The following GTF2B variants were observed in gnomAD, a reference collection of about 807,000 sequenced individuals.
The protein encoded by GTF2B is transcription initiation factor IIB.
GTF2B carries 20 observed loss-of-function variants against 34.6 expected under a neutral mutation model. That is an observed-to-expected ratio of 0.58 (90% CI 0.41 to 0.84). The LOEUF (loss-of-function observed/expected upper bound fraction) is 0.84, where lower values mean the gene tolerates loss of function less well. Ranked by LOEUF, GTF2B falls within the 40% of genes least tolerant of loss-of-function variation. The pLI is 0.00. For missense variants in GTF2B, 237 were observed against 393.3 expected, an observed-to-expected ratio of 0.60 and a Z score of 3.36; for synonymous variants, 142 against 132.4, an observed-to-expected ratio of 1.07 and a Z score of -0.50.
intron 2 of GTF2B, among the ~76,000 whole-genome samples, chr1:88,866,388 GC>G (rs1673560401): frequency 6.6e-6 from 1 of 152,086 alleles, no homozygotes; most frequent in Non-Finnish European, 1.5e-5. Context: ...CATTTCTGAA[GC>G]CTCTGACAAA....
In GTF2B at chr1:88,853,333, A is replaced by C; in HGVS notation, c.831T>G (p.Ile277Met). ...EKRTQKEIGD[I>M]AGVADVTIRQ... The stretch of plus-strand genomic sequence containing the variant: ...TGATTGTAACATCAGCAACACCAGC[A>C]ATATCTCCAATTTCTAAAAGACAAA... Residue 277 changes from isoleucine to methionine, a missense_variant, in exon 7 of 7, where the codon ATT (isoleucine) becomes ATG (methionine). Physicochemically the swap from Ile to Met is conservative, Grantham distance 10 (BLOSUM62 1). Around this residue, in one of 3 missense-constraint regions of GTF2B, gnomAD observed 78 missense variants for 116.6 expected, o/e 0.67. Coordinates refer to ENST00000370500, the MANE Select transcript of GTF2B (RefSeq NM_001514.6). 3 of 1,612,642 alleles carry C rather than the reference A, an allele frequency of 1.9e-6. No individual in the cohort carries two copies. Among genetic ancestry groups the C allele is most frequent in the Non-Finnish European group, 2.5e-6 (3 of 1,178,734 alleles).
chr1:88,855,804 C>A (rs1325269215), intron 6 of GTF2B, among the ~76,000 whole-genome samples: 1 of 152,066 alleles, frequency 6.6e-6, no homozygotes, highest in Non-Finnish European at 1.5e-5. Context: ...CAGATATGTG[C>A]CACCACACCC....
chr1:88,865,653 G>T (rs960110036), intron 2 of GTF2B, among the ~76,000 whole-genome samples: 1 of 152,148 alleles, frequency 6.6e-6, no homozygotes. Flanking sequence ...GGGAATTTGA[G>T]ATCAGCCTGA....
intron 5 of GTF2B, among the ~76,000 whole-genome samples, chr1:88,859,372 T>C (rs1038707769): frequency 6.6e-6 from 1 of 152,144 alleles, no homozygotes; most frequent in African/African-American, 2.4e-5. Flanking sequence ...TGAGTCTACA[T>C]GGGAAAACAG....
intron 6 of GTF2B, among the ~76,000 whole-genome samples, chr1:88,855,165 C>T (rs979611172): frequency 2.6e-5 from 4 of 152,174 alleles, no homozygotes; most frequent in African/African-American, 9.7e-5. Flanking sequence ...TACTAAAAGA[C>T]TCAAAATTTC....
chr1:88,874,245 G>A (rs1673762943), intron 2 of GTF2B, among the ~76,000 whole-genome samples: 1 of 152,088 alleles, frequency 6.6e-6, no homozygotes, highest in Non-Finnish European at 1.5e-5. Context: ...TGATTTTCTA[G>A]CCTGACCTAG....
intron 1 of GTF2B, among the ~76,000 whole-genome samples, chr1:88,888,901 G>T (rs1307743119): frequency 6.6e-6 from 1 of 152,204 alleles, no homozygotes; most frequent in East Asian, 1.9e-4. Flanking sequence ...AATGACTGAG[G>T]ACAGAGACTT....
At chr1:88,879,326 C>T (rs1041787764) in intron 2 of GTF2B, among the ~76,000 whole-genome samples, 2 of 151,974 alleles carry the variant, frequency 1.3e-5, no homozygotes, top group South Asian at 2.1e-4. Context: ...TGCCTGTAAT[C>T]CCAGCACTTT....
At chr1:88,870,119 G>A (rs935202787) in intron 2 of GTF2B, among the ~76,000 whole-genome samples, 2 of 151,670 alleles carry the variant, frequency 1.3e-5, no homozygotes, top group Non-Finnish European at 2.9e-5. Context: ...GTAGAGACAG[G>A]GTTTCACTGT....
chr1:88,889,667 A>T (rs1412914658), intron 1 of GTF2B, among the ~76,000 whole-genome samples: 1 of 152,222 alleles, frequency 6.6e-6, no homozygotes, highest in East Asian at 1.9e-4. Flanking sequence ...GACACCAGCC[A>T]GTTTCATGGC....
intron 6 of GTF2B, among the ~76,000 whole-genome samples, chr1:88,854,460 G>A (rs1019188374): frequency 6.6e-5 from 10 of 152,104 alleles, no homozygotes; most frequent in Non-Finnish European, 1.3e-4. Context: ...ACAATGTTTG[G>A]TTAAGTATTA....
chr1:88,887,267 C>G lies in GTF2B; in HGVS notation c.118G>C (p.Val40Leu). The G allele has an allele frequency of 1.3e-6, 2 of 1,597,198 alleles. No individual in the cohort carries two copies. Among genetic ancestry groups the G allele is most frequent in the South Asian group, 2.2e-5 (2 of 90,642 alleles). ...GDMICPECGL[V>L]VGDRVIDVGS... ...AACCATAATAACAACTCACCTACAACCAAGCCACATTCAGGACAGATCATA... is the reference window on the plus strand; with the variant it reads ...AACCATAATAACAACTCACCTACAAGCAAGCCACATTCAGGACAGATCATA... Residue 40 changes from valine (V) to leucine (L), a missense_variant, in exon 2 of 7, where the codon GTT (valine) becomes CTT (leucine). Physicochemically the swap from Val to Leu is conservative, Grantham distance 32 (BLOSUM62 1). This residue lies in a region of GTF2B where 130 missense variants were observed against 170.9 expected (regional missense o/e 0.76). Transcript: ENST00000370500.
At chr1:88,873,451 G>A (rs10218561) in intron 2 of GTF2B, among the ~76,000 whole-genome samples, 1,646 of 151,798 alleles carry the variant, frequency 0.011, 26 homozygotes, top group African/African-American at 0.038. Flanking sequence ...TGCCTGCCTC[G>A]GCCTCCCAAA....
intron 2 of GTF2B, among the ~76,000 whole-genome samples, chr1:88,875,269 T>C (rs369490062): frequency 3.3e-5 from 5 of 152,186 alleles, no homozygotes; most frequent in African/African-American, 1.2e-4. Flanking sequence ...TCAACATGAA[T>C]TATCTCCTAG....
At chr1:88,858,696 T>A (rs1343563282) in intron 5 of GTF2B, 1 of 152,068 alleles carries the variant, frequency 6.6e-6, no homozygotes, top group Non-Finnish European at 1.5e-5. Context: ...GAATAAAGGG[T>A]TAAGTATAGT....
intron 1 of GTF2B, among the ~76,000 whole-genome samples, chr1:88,891,046 A>AC (rs1674186897): frequency 7.2e-6 from 1 of 138,302 alleles, no homozygotes; most frequent in Non-Finnish European, 1.5e-5. Flanking sequence ...CCTGAAACTA[A>AC]CTGTTTCCCG....
chr1:88,873,846 C>T (rs781058756), intron 2 of GTF2B, among the ~76,000 whole-genome samples: 12 of 152,164 alleles, frequency 7.9e-5, no homozygotes, highest in Non-Finnish European at 1.6e-4. Flanking sequence ...AACCACATGG[C>T]GTACCTAGCT....
intron 2 of GTF2B, among the ~76,000 whole-genome samples, chr1:88,877,531 T>C (rs1570731978): frequency 1.3e-5 from 2 of 152,356 alleles, no homozygotes; most frequent in Admixed American, 1.3e-4. Flanking sequence ...ATTCATGAAC[T>C]GATTATCTAA....
chr1:88,880,729 T>A (rs1244796875), intron 2 of GTF2B, among the ~76,000 whole-genome samples: 1 of 152,014 alleles, frequency 6.6e-6, no homozygotes, highest in Non-Finnish European at 1.5e-5. Flanking sequence ...AAGTGGGGCC[T>A]GGCGCAGTGG....
Sources: gnomAD v4.1 joint callset for allele counts (sites outside exome capture counted in the v4.1 genomes callset) on GRCh38, gnomAD v4.1.1 for gene constraint, gnomAD v4.1.1 regional missense constraint, MANE v1.5 for transcripts, NCBI Gene and HGNC (gene_info 2026-07-23, HGNC 2026-07-21) for gene names.